TGFB2: variants seen among roughly 807,000 people sequenced by gnomAD.
TGFB2 encodes the protein transforming growth factor beta 2.
TGFB2 carries 13 observed loss-of-function variants against 42.7 expected under a neutral mutation model. The ratio of observed to expected loss-of-function variants is 0.30; its 90% CI spans 0.20 to 0.48. The LOEUF (loss-of-function observed/expected upper bound fraction) is 0.48. Among genes scored for constraint, TGFB2 ranks in the 20% least tolerant of loss-of-function variants. The pLI is 0.99. For synonymous variants in TGFB2, 193 were observed against 193.6 expected, an observed-to-expected ratio of 1.00 and a Z score of 0.03; for missense variants, 390 against 517.5, an observed-to-expected ratio of 0.75 and a Z score of 2.39.
rs142701661 is a variant in TGFB2, at chr1:218,407,426, C to G, written c.510+2094C>G. On this transcript the variant is annotated intron_variant, in intron 2 of 6. Transcript: ENST00000366930. ...ACATGTGTGTTCATGAAGAATAATT[C>G]TTACTTATTTAAATAGGCCCTCGAG... Among the ~76,000 whole-genome samples, 570 of 152,184 alleles carry G rather than the reference C, an allele frequency of 3.7e-3. 4 individuals carry two copies. Among genetic ancestry groups the G allele is most frequent in the African/African-American group, 0.013 (547 of 41,504 alleles).
intron 2 of TGFB2, among the ~76,000 whole-genome samples, chr1:218,424,475 C>T (rs1659556994): frequency 1.3e-5 from 2 of 152,250 alleles, no homozygotes; most frequent in Admixed American, 1.3e-4. Flanking sequence ...GCAGCTTCTA[C>T]ATCACCTGGG....
At chr1:218,426,929 T>G (rs1294280829) in intron 2 of TGFB2, among the ~76,000 whole-genome samples, 1 of 152,244 alleles carries the variant, frequency 6.6e-6, no homozygotes, top group Non-Finnish European at 1.5e-5. Context: ...CATTTTGTTT[T>G]GTATAAATCA....
chr1:218,369,757 G>A (rs887215904), intron 1 of TGFB2, among the ~76,000 whole-genome samples: 3 of 152,120 alleles, frequency 2.0e-5, no homozygotes, highest in Non-Finnish European at 4.4e-5. Context: ...TGCCTTTTCC[G>A]GTGTGAAATA....
intron 6 of TGFB2, among the ~76,000 whole-genome samples, chr1:218,440,581 C>T (rs1207105089): frequency 6.6e-6 from 1 of 152,122 alleles, no homozygotes; most frequent in South Asian, 2.1e-4. Flanking sequence ...ATACAGGTGT[C>T]TTTTTCTATA....
At chr1:218,378,820 G>A (rs1319768087) in intron 1 of TGFB2, among the ~76,000 whole-genome samples, 1 of 151,276 alleles carries the variant, frequency 6.6e-6, no homozygotes, top group Admixed American at 6.6e-5. Flanking sequence ...AATATGCATT[G>A]TGAGTGCACA....
At chr1:218,415,650 G>C (rs1368539928) in intron 2 of TGFB2, among the ~76,000 whole-genome samples, 1 of 134,528 alleles carries the variant, frequency 7.4e-6, no homozygotes, top group Admixed American at 8.6e-5. Flanking sequence ...AGCCCAGACT[G>C]TGTCACTGCA....
At position 218,346,184 on chromosome 1, in the gene TGFB2, T is replaced by A. The variant is rs1656669147; in HGVS notation, c.-518T>A. On this transcript the variant is annotated 5_prime_UTR_variant, in exon 1 of 7. Coordinates refer to ENST00000366930, the MANE Select transcript of TGFB2 (RefSeq NM_003238.6). This position sits in a 1 kb window ranked among gnomAD's most constrained non-coding sequence, Gnocchi z 4.9. ...CCGAACCGCTCCTTCTTTAAATATA[T>A]AAATTTCAGCCCAGGTCAGCCTCGG... is the stretch of plus-strand genomic sequence containing the variant. 1 of 157,534 alleles carries A rather than the reference T, an allele frequency of 6.3e-6. No individual in the cohort carries two copies. Among genetic ancestry groups the A allele is most frequent in the African/African-American group, 2.4e-5 (1 of 41,422 alleles). The allele number at this position is 157,534 out of a possible 1,614,324, so 9.8% of individuals were successfully genotyped here.
At chr1:218,391,520 A>G (rs1477268906) in intron 1 of TGFB2, among the ~76,000 whole-genome samples, 1 of 152,210 alleles carries the variant, frequency 6.6e-6, no homozygotes, top group Non-Finnish European at 1.5e-5. Context: ...AATAACATCA[A>G]CGATTCTTCA....
chr1:218,371,652 C>T (rs762402538), intron 1 of TGFB2, among the ~76,000 whole-genome samples: 15 of 152,204 alleles, frequency 9.9e-5, no homozygotes, highest in Non-Finnish European at 2.1e-4. Flanking sequence ...GCAGTGATAT[C>T]TTTGAGCCTT....
intron 1 of TGFB2, among the ~76,000 whole-genome samples, chr1:218,399,386 C>T (rs1045718704): frequency 2.6e-5 from 4 of 151,878 alleles, no homozygotes; most frequent in African/African-American, 9.7e-5. Context: ...ATATATACAC[C>T]CTTACTAGGT....
At chr1:218,419,253 A>G (rs1571887612) in intron 2 of TGFB2, among the ~76,000 whole-genome samples, 1 of 150,356 alleles carries the variant, frequency 6.7e-6, no homozygotes, top group East Asian at 2.0e-4. Flanking sequence ...CACTGCACTC[A>G]CTCCTTCCTG....
At chr1:218,358,851 TGTA>T (rs1657122121) in intron 1 of TGFB2, among the ~76,000 whole-genome samples, 1 of 152,142 alleles carries the variant, frequency 6.6e-6, no homozygotes. Context: ...AGTGAACTCT[TGTA>T]ATAAAACTGC....
At chr1:218,360,658 C>T (rs4437933) in intron 1 of TGFB2, among the ~76,000 whole-genome samples, 7,104 of 151,740 alleles carry the variant, frequency 0.047, 556 homozygotes, top group African/African-American at 0.16. Flanking sequence ...ACATGTATCC[C>T]GGAACTTAAA....
rs76933647 is a variant in TGFB2 at position 218,356,111 on chromosome 1, T to C, written c.346+9064T>C. On this transcript the variant is annotated intron_variant, in intron 1 of 6. Coordinates refer to ENST00000366930, the MANE Select transcript of TGFB2 (RefSeq NM_003238.6). Reference sequence around the variant, plus strand: ...AATCAAGAACAGGAGATCCACATAGTATATACTCCTCCCAGCCAGAGTCTT... The same window carrying C: ...AATCAAGAACAGGAGATCCACATAGCATATACTCCTCCCAGCCAGAGTCTT... Among the ~76,000 whole-genome samples, 1,446 of 152,332 alleles carry C rather than the reference T, an allele frequency of 9.5e-3. 12 individuals carry two copies. Among genetic ancestry groups the C allele is most frequent in the South Asian group, 0.036 (174 of 4,826 alleles).
chr1:218,415,326 C>G (rs1192067444), intron 2 of TGFB2, among the ~76,000 whole-genome samples: 1 of 152,114 alleles, frequency 6.6e-6, no homozygotes, highest in Non-Finnish European at 1.5e-5. Flanking sequence ...TTCTTGGTTG[C>G]TGTCCCAGGA....
intron 2 of TGFB2, among the ~76,000 whole-genome samples, chr1:218,406,858 G>A (rs976159459): frequency 2.0e-5 from 3 of 152,126 alleles, no homozygotes; most frequent in Admixed American, 1.3e-4. Context: ...AACCCCTTGG[G>A]ATCCCCGTGA....
intron 2 of TGFB2, among the ~76,000 whole-genome samples, chr1:218,429,296 C>G (rs1659729598): frequency 6.6e-6 from 1 of 152,118 alleles, no homozygotes; most frequent in African/African-American, 2.4e-5. Flanking sequence ...TGCTTTTTAT[C>G]TCTATGAATT....
chr1:218,430,960 T>G (rs1004368598), intron 2 of TGFB2, among the ~76,000 whole-genome samples: 1 of 152,170 alleles, frequency 6.6e-6, no homozygotes, highest in South Asian at 2.1e-4. Context: ...ATGAGGGATA[T>G]TCTCTGAGTG....
intron 2 of TGFB2, among the ~76,000 whole-genome samples, chr1:218,408,695 G>T (rs1344771398): frequency 1.3e-5 from 2 of 152,060 alleles, no homozygotes; most frequent in African/African-American, 4.8e-5. Flanking sequence ...TTGACTATCT[G>T]TAGGGCCAGA....
Sources: allele counts gnomAD v4.1 joint callset (sites outside exome capture counted in the v4.1 genomes callset), GRCh38; gene constraint gnomAD v4.1.1; non-coding constraint Gnocchi (gnomAD v3.1); transcripts MANE v1.5; gene names NCBI Gene and HGNC (gene_info 2026-07-23, HGNC 2026-07-21).